The following PTK2B variants were observed in gnomAD, a reference collection of about 807,000 sequenced individuals.
PTK2B encodes protein tyrosine kinase 2 beta.
In PTK2B, 71 loss-of-function variants were observed where a neutral mutation model predicts 142.9. The observed-to-expected ratio is 0.50, with a 90% CI of 0.41 to 0.61. The LOEUF (loss-of-function observed/expected upper bound fraction) is 0.61. PTK2B is among the 20% of genes least tolerant of loss of function. The probability of loss-of-function intolerance (pLI) is 0.00; values close to 1 mark genes in which losing one functional copy is unlikely to be tolerated. For missense variants in PTK2B, 1,105 were observed against 1,320.4 expected (o/e 0.84, Z 2.53); for synonymous variants, 519 against 503.4 (o/e 1.03, Z -0.42).
At chr8:27,391,557 T>C (rs1807730123) in intron 1 of PTK2B, among the ~76,000 whole-genome samples, 1 of 152,206 alleles carries the variant, frequency 6.6e-6, no homozygotes, top group South Asian at 2.1e-4. Context: ...AGTTTTCCTG[T>C]GATATTTATT....
chr8:27,456,448 G>A (rs1342151735), intron 30 of PTK2B, among the ~76,000 whole-genome samples: 3 of 152,158 alleles, frequency 2.0e-5, no homozygotes, highest in Non-Finnish European at 2.9e-5. Flanking sequence ...CATAAACTGT[G>A]CCCACATAAG....
chr8:27,459,279 C>G lies in PTK2B; in HGVS notation c.*770C>G, dbSNP rs1269865427. 2 of 233,674 alleles carry G rather than the reference C, an allele frequency of 8.6e-6. No individual in the cohort carries two copies. Among genetic ancestry groups the G allele is most frequent in the Non-Finnish European group, 1.7e-5 (2 of 118,442 alleles). The allele number at this position is 233,674 out of a possible 1,614,324, so 14.5% of individuals were successfully genotyped here. On this transcript the variant is annotated 3_prime_UTR_variant, in exon 31 of 31. Transcript: ENST00000346049. ...TTTTCTTACTCCTCCTCTTTCTCTC[C>G]CCAACCCCCATTCTCATCTGCACCC...
intron 2 of PTK2B, among the ~76,000 whole-genome samples, chr8:27,414,384 A>G (rs1809253358): frequency 6.6e-6 from 1 of 152,100 alleles, no homozygotes; most frequent in African/African-American, 2.4e-5. Context: ...AGCTGGGACT[A>G]CAGGCATCCA....
intron 3 of PTK2B, among the ~76,000 whole-genome samples, chr8:27,313,633 T>C (rs1044758898): frequency 1.3e-5 from 2 of 152,168 alleles, no homozygotes; most frequent in Non-Finnish European, 2.9e-5. Context: ...GAGGTGAGCA[T>C]GCACCATGTG....
chr8:27,399,576 C>G lies in PTK2B; in HGVS notation c.204+1788C>G, dbSNP rs17057111. On this transcript the variant is annotated intron_variant, in intron 2 of 30. Transcript: ENST00000346049. ...TATTCCTGGAGTTGTATGATATACC[C>G]TGCTGGGTGTTTAAGGGATGAAAGT... is the stretch of plus-strand genomic sequence containing the variant. 8.4e-3 allele frequency among the ~76,000 whole-genome samples: 1,286 copies of G among 152,218 alleles called. 16 individuals carry two copies. The highest frequency in any genetic ancestry group is 0.03 in the African/African-American group (1,246 of 41,510).
intron 1 of PTK2B, among the ~76,000 whole-genome samples, chr8:27,378,004 G>A (rs182129579): frequency 6.4e-4 from 98 of 152,290 alleles, no homozygotes; most frequent in Non-Finnish European, 2.2e-4. Context: ...TCCCTCACTT[G>A]TAAAAACGAG....
At chr8:27,433,325 G>A (rs1479573284) in intron 10 of PTK2B, 110 bp from the exon 11 acceptor site, 1 of 899,730 alleles carries the variant, frequency 1.1e-6, no homozygotes, top group Non-Finnish European at 1.8e-6. Context: ...GACAGCATTG[G>A]CATCCAGGCA....
Position 27,433,540 on chromosome 8 carries a change from C to T in PTK2B, c.1093C>T (p.His365Tyr), listed in dbSNP as rs1363701699. 6.2e-7 allele frequency: 1 copy of T among 1,613,498 alleles called. No individual in the cohort carries two copies. Among genetic ancestry groups the T allele is most frequent in the Admixed American group, 1.7e-5 (1 of 60,006 alleles). The stretch of plus-strand genomic sequence containing the variant: ...TGAGCACCAAGGCTCTCTCATCATC[C>T]ATCCTAGGAAAGGTGGGTTCCATTT... ...QGEHQGSLII[H>Y]PRKDGEKRNS... Residue 365 changes from histidine to tyrosine, a missense_variant, in exon 11 of 31, where the codon CAT becomes TAT. His to Tyr is a moderately conservative substitution (Grantham distance 83). Coordinates refer to ENST00000346049, the MANE Select transcript of PTK2B (RefSeq NM_173176.3).
exon 1 of PTK2B, chr8:27,311,499 A>G: frequency 1.9e-6 from 1 of 535,890 alleles, no homozygotes; most frequent in Non-Finnish European, 3.2e-6. Flanking sequence ...CCGCCTCCTC[A>G]GGTCCGGGCG....
At chr8:27,330,599 CTG>C (rs1166790087) in intron 1 of PTK2B, among the ~76,000 whole-genome samples, 2 of 152,122 alleles carry the variant, frequency 1.3e-5, no homozygotes, top group African/African-American at 2.4e-5. Flanking sequence ...CCTCCTAACT[CTG>C]TGTACAAAGC....
At chr8:27,336,564 T>C (rs1027479052) in intron 1 of PTK2B, among the ~76,000 whole-genome samples, 2 of 150,412 alleles carry the variant, frequency 1.3e-5, no homozygotes, top group African/African-American at 5.0e-5. Context: ...TATTTTCATA[T>C]GTAAACTTTG....
At chr8:27,370,963 T>A (rs1441064218) in intron 1 of PTK2B, among the ~76,000 whole-genome samples, 1 of 152,140 alleles carries the variant, frequency 6.6e-6, no homozygotes, top group African/African-American at 2.4e-5. Context: ...TGGTGCAGTC[T>A]CGGCTTACTG....
intron 1 of PTK2B, among the ~76,000 whole-genome samples, chr8:27,330,817 A>G (rs977747151): frequency 1.3e-5 from 2 of 152,200 alleles, no homozygotes; most frequent in South Asian, 2.1e-4. Context: ...CCCTCCAGGT[A>G]GGCCACAGGG....
intron 1 of PTK2B, among the ~76,000 whole-genome samples, chr8:27,349,216 G>A (rs1804895999): frequency 6.6e-6 from 1 of 152,218 alleles, no homozygotes. Context: ...GAGTCTAAAA[G>A]TGTATTTCCA....
Position 27,459,301 on chromosome 8 carries a change from AC to A in PTK2B, c.*795del, listed in dbSNP as rs2132629393. The A allele has an allele frequency of 4.3e-6, 1 of 232,810 alleles. No individual in the cohort carries two copies. Among genetic ancestry groups the A allele is most frequent in the East Asian group, 6.0e-5 (1 of 16,560 alleles). The allele number at this position is 232,810 out of a possible 1,614,324, so 14.4% of individuals were successfully genotyped here. A position where few individuals can be genotyped will look rare whatever the true frequency, so the allele number is the denominator to read the frequency against. On this transcript the variant is annotated 3_prime_UTR_variant, in exon 31 of 31. Transcript: ENST00000346049. ...CTCCCCAACCCCCATTCTCATCTGC[AC>A]CCTTCTTTTCTCATGTGTTTGCATA...
At chr8:27,338,181 C>T (rs1402591966) in intron 1 of PTK2B, among the ~76,000 whole-genome samples, 1 of 151,762 alleles carries the variant, frequency 6.6e-6, no homozygotes, top group African/African-American at 2.4e-5. Flanking sequence ...AAAAAAATGT[C>T]TGTTCAAATC....
intron 10 of PTK2B, among the ~76,000 whole-genome samples, chr8:27,433,124 GC>G (rs1810544303): frequency 6.6e-6 from 1 of 152,232 alleles, no homozygotes; most frequent in South Asian, 2.1e-4. Flanking sequence ...ACTGTGCCCA[GC>G]CCCCTCTTCC....
At chr8:27,453,028 A>AG in intron 27 of PTK2B, 86 bp from the exon 28 acceptor site, 1 of 1,474,970 alleles carries the variant, frequency 6.8e-7, no homozygotes, top group East Asian at 2.3e-5. Context: ...GGTAGAGGGG[A>AG]AGGGGCTCAT....
Position 27,432,456 on chromosome 8 carries a change from A to G in PTK2B, c.987+95A>G, listed in dbSNP as rs559397091. The G allele has an allele frequency of 1.2e-5, 14 of 1,136,584 alleles. No homozygotes were observed. In the East Asian group the frequency reaches 2.8e-4, roughly 23 times the overall value. 70.4% of individuals were successfully genotyped at this position (1,136,584 alleles called of 1,614,324 possible). A position where few individuals can be genotyped will look rare whatever the true frequency, so the allele number is the denominator to read the frequency against. ...CTCAGACCAAAAGTCTGTGACACACAGGAAGCCAGGAGCTTCCTGGCTTTG... is the reference window on the plus strand; with the variant it reads ...CTCAGACCAAAAGTCTGTGACACACGGGAAGCCAGGAGCTTCCTGGCTTTG... On this transcript the variant is annotated intron_variant, in intron 10 of 30. Transcript: ENST00000346049.
Sources: gnomAD v4.1 joint callset for allele counts (sites outside exome capture counted in the v4.1 genomes callset) on GRCh38, gnomAD v4.1.1 for gene constraint, MANE v1.5 for transcripts, NCBI Gene and HGNC (gene_info 2026-07-23, HGNC 2026-07-21) for gene names.